The following SUPT3H variants were observed in gnomAD, a reference collection of about 807,000 sequenced individuals.
SUPT3H encodes SPT3 homolog, SAGA and STAGA complex component.
Under a neutral mutation model 44.3 loss-of-function variants are expected in SUPT3H, and 44 were observed. The observed-to-expected ratio is 0.99, with a 90% CI of 0.78 to 1.28. The LOEUF (loss-of-function observed/expected upper bound fraction) is 1.28, where lower values mean the gene tolerates loss of function less well. Ranked by LOEUF, SUPT3H falls within the 50% of genes most tolerant of loss-of-function variation. The pLI is 0.00. For synonymous variants in SUPT3H, 124 were observed against 125.6 expected (o/e 0.99, Z 0.09); for missense variants, 380 against 387.1 (o/e 0.98, Z 0.15).
intron 9 of SUPT3H, among the ~76,000 whole-genome samples, chr6:44,933,763 C>T (rs974327390): frequency 2.0e-5 from 3 of 152,136 alleles, no homozygotes; most frequent in Admixed American, 1.3e-4. Flanking sequence ...CTGGCCTCAG[C>T]CTCTGAAGTA....
intron 3 of SUPT3H, among the ~76,000 whole-genome samples, chr6:45,072,697 G>A (rs1794546126): frequency 6.6e-6 from 1 of 152,106 alleles, no homozygotes; most frequent in African/African-American, 2.4e-5. Flanking sequence ...TTCGTAAAAT[G>A]TTTTCACATT....
At chr6:44,974,838 C>A (rs1432816249) in intron 6 of SUPT3H, among the ~76,000 whole-genome samples, 4 of 152,072 alleles carry the variant, frequency 2.6e-5, no homozygotes, top group Non-Finnish European at 5.9e-5. Flanking sequence ...AAATTCTATA[C>A]CCTATGTGAA....
At chr6:44,967,842 T>G (rs1776985564) in intron 6 of SUPT3H, among the ~76,000 whole-genome samples, 1 of 152,190 alleles carries the variant, frequency 6.6e-6, no homozygotes, top group African/African-American at 2.4e-5. Flanking sequence ...CAGGCTGGTG[T>G]GCAGTGACAC....
intron 2 of SUPT3H, among the ~76,000 whole-genome samples, chr6:45,292,393 A>G (rs1562890896): frequency 6.6e-6 from 1 of 152,134 alleles, no homozygotes. Context: ...AAAAAACAAA[A>G]ACAAAAATAC....
At chr6:45,179,407 CG>C (rs1812675471) in intron 2 of SUPT3H, among the ~76,000 whole-genome samples, 1 of 152,124 alleles carries the variant, frequency 6.6e-6, no homozygotes, top group Admixed American at 6.5e-5. Context: ...ATACCAAAGC[CG>C]GGCAGAGACA....
chr6:45,202,524 GC>G (rs1189723583), intron 2 of SUPT3H, among the ~76,000 whole-genome samples: 1 of 151,918 alleles, frequency 6.6e-6, no homozygotes. Flanking sequence ...TAATCAGATT[GC>G]TTTTACCCAA....
intron 2 of SUPT3H, among the ~76,000 whole-genome samples, chr6:45,153,046 G>GT (rs1468593168): frequency 6.6e-6 from 1 of 152,118 alleles, no homozygotes; most frequent in African/African-American, 2.4e-5. Context: ...CAATATAGCA[G>GT]TATCTAGGGC....
At chr6:44,913,851 G>C (rs2153453964) in intron 10 of SUPT3H, among the ~76,000 whole-genome samples, 1 of 152,158 alleles carries the variant, frequency 6.6e-6, no homozygotes, top group East Asian at 1.9e-4. Context: ...TTCCTAAATG[G>C]ATAGTGATGA....
intron 2 of SUPT3H, among the ~76,000 whole-genome samples, chr6:45,326,470 T>A (rs1786361805): frequency 6.6e-6 from 1 of 151,942 alleles, no homozygotes. Context: ...TTCACATGAA[T>A]AACTGCATGT....
At chr6:45,309,834 TG>T (rs1783673637) in intron 2 of SUPT3H, among the ~76,000 whole-genome samples, 1 of 151,618 alleles carries the variant, frequency 6.6e-6, no homozygotes, top group Non-Finnish European at 1.5e-5. Context: ...CAGGAGAGAA[TG>T]GGATGATATA....
At chr6:44,900,518 G>T (rs566634893) in intron 10 of SUPT3H, among the ~76,000 whole-genome samples, 8 of 152,202 alleles carry the variant, frequency 5.3e-5, no homozygotes, top group African/African-American at 1.4e-4. Flanking sequence ...TAAACAAAGC[G>T]GCCAGGAAGC....
intron 10 of SUPT3H, among the ~76,000 whole-genome samples, chr6:44,876,900 A>G (rs1457458398): frequency 6.6e-6 from 1 of 151,902 alleles, no homozygotes; most frequent in Non-Finnish European, 1.5e-5. Flanking sequence ...TTATCTTAAA[A>G]GAAAAAAACT....
intron 2 of SUPT3H, among the ~76,000 whole-genome samples, chr6:45,249,075 T>G (rs1375459115): frequency 6.6e-6 from 1 of 152,158 alleles, no homozygotes; most frequent in Non-Finnish European, 1.5e-5. Context: ...AACCACGTGA[T>G]ATCGTTTCTA....
chr6:45,336,164 C>T (rs1788510819), intron 2 of SUPT3H, among the ~76,000 whole-genome samples: 1 of 150,112 alleles, frequency 6.7e-6, no homozygotes, highest in African/African-American at 2.4e-5. Context: ...ATTTCTCTCT[C>T]TGTAATTTAG....
chr6:45,260,533 T>C lies in SUPT3H; in HGVS notation c.101+104668A>G, dbSNP rs116634470. Among the ~76,000 whole-genome samples the C allele has an allele frequency of 9.1e-4, 138 of 152,290 alleles. 1 individual carries two copies. Among genetic ancestry groups the C allele is most frequent in the African/African-American group, 3.2e-3 (133 of 41,566 alleles). ...AATGATAATCATAATAAATCATTTT[T>C]AAAACAAGTATATTAAAATTAGTCC... On this transcript the variant is annotated intron_variant, in intron 2 of 10. Transcript: ENST00000371459.
At chr6:44,938,404 G>A (rs979782765) in intron 9 of SUPT3H, among the ~76,000 whole-genome samples, 1 of 151,994 alleles carries the variant, frequency 6.6e-6, no homozygotes, top group Non-Finnish European at 1.5e-5. Context: ...TTTTATTTCT[G>A]GGTTACCTAC....
intron 2 of SUPT3H, among the ~76,000 whole-genome samples, chr6:45,158,298 A>ATATATATATATTTTTTTT: frequency 1.3e-4 from 13 of 99,688 alleles, no homozygotes; most frequent in African/African-American, 5.5e-4. Context: ...ATATATATAT[A>ATATATATATATTTTTTTT]TTTTTTTTTT....
chr6:44,902,350 C>G (rs1182603000), intron 10 of SUPT3H, among the ~76,000 whole-genome samples: 1 of 151,578 alleles, frequency 6.6e-6, no homozygotes, highest in Non-Finnish European at 1.5e-5. Context: ...AAATGGAAAA[C>G]AAAAAAAGGC....
chr6:45,100,560 A>AAAAAAAAAAAAC (rs1798425255), intron 3 of SUPT3H, among the ~76,000 whole-genome samples: 1 of 149,490 alleles, frequency 6.7e-6, no homozygotes, highest in Non-Finnish European at 1.5e-5. Context: ...AAAAAAAAAA[A>AAAAAAAAAAAAC]AAAAGACACA....
Sources: allele counts gnomAD v4.1 joint callset (sites outside exome capture counted in the v4.1 genomes callset), GRCh38; gene constraint gnomAD v4.1.1; transcripts MANE v1.5; gene names NCBI Gene and HGNC (gene_info 2026-07-23, HGNC 2026-07-21).